The following SCAPER variants were observed in gnomAD, a reference collection of about 807,000 sequenced individuals.
SCAPER encodes S-phase cyclin A associated protein in the ER.
SCAPER carries 98 observed loss-of-function variants against 182.2 expected under a neutral mutation model. The observed-to-expected ratio is 0.54, with a 90% CI of 0.46 to 0.64. The LOEUF (loss-of-function observed/expected upper bound fraction) is 0.64, where lower values mean the gene tolerates loss of function less well. Ranked by LOEUF, SCAPER falls within the 30% of genes least tolerant of loss-of-function variation. The pLI is 0.00. For synonymous variants in SCAPER, 605 were observed against 564.6 expected (o/e 1.07, Z -1.01); for missense variants, 1,432 against 1,690.0 (o/e 0.85, Z 2.68).
At position 76,495,989 on chromosome 15, in the gene SCAPER, GAGAGAC is replaced by G. The variant is rs1266009217; in HGVS notation, c.2954+8864_2954+8869del. Among the ~76,000 whole-genome samples the G allele has an allele frequency of 7.8e-3, 827 of 105,566 alleles. 14 individuals are homozygous for G. Among genetic ancestry groups the G allele is most frequent in the African/African-American group, 0.025 (671 of 27,286 alleles). 69.3% of individuals were successfully genotyped at this position (105,566 alleles called of 152,430 possible). A position where few individuals can be genotyped will look rare whatever the true frequency, so the allele number is the denominator to read the frequency against. On this transcript the variant is annotated intron_variant, in intron 24 of 31. Transcript: ENST00000563290. ...GGAGAAAGAGAAAGAAAGCAAAAGA[GAGAGAC>G]ACACACACACACACACACACACACA... is the stretch of plus-strand genomic sequence containing the variant.
At chr15:76,537,261 G>T (rs157794) in intron 23 of SCAPER, among the ~76,000 whole-genome samples, 146,183 of 149,704 alleles carry the variant, frequency 0.98, 71,468 homozygotes, top group South Asian at 1. Context: ...CATCGCCAAG[G>T]CAATCCTAAG....
intron 22 of SCAPER, among the ~76,000 whole-genome samples, chr15:76,577,232 G>A (rs370813129): frequency 5.9e-5 from 9 of 152,044 alleles, no homozygotes; most frequent in African/African-American, 2.2e-4. Context: ...GATTGCTTGG[G>A]CCCAGAAGTT....
intron 26 of SCAPER, among the ~76,000 whole-genome samples, chr15:76,428,661 A>T (rs895848448): frequency 2.6e-5 from 4 of 151,832 alleles, no homozygotes; most frequent in Non-Finnish European, 5.9e-5. Context: ...GAGAGGAGGA[A>T]GAGAGGTTGG....
At chr15:76,674,746 T>C (rs561168403) in intron 20 of SCAPER, among the ~76,000 whole-genome samples, 6 of 152,316 alleles carry the variant, frequency 3.9e-5, no homozygotes, top group Admixed American at 1.3e-4. Context: ...TCTATGTTCT[T>C]AAAATCACTG....
intron 23 of SCAPER, among the ~76,000 whole-genome samples, chr15:76,511,225 A>G (rs932915321): frequency 6.6e-6 from 1 of 152,226 alleles, no homozygotes; most frequent in African/African-American, 2.4e-5. Context: ...GTAACCAAAT[A>G]TCACCTGTTC....
chr15:76,465,968 G>A (rs1007675748), intron 25 of SCAPER, among the ~76,000 whole-genome samples: 28 of 152,146 alleles, frequency 1.8e-4, no homozygotes, highest in African/African-American at 5.8e-4. Context: ...CCTAGTACAC[G>A]ACAAGTCACT....
At chr15:76,545,704 G>A (rs2045220136) in intron 23 of SCAPER, among the ~76,000 whole-genome samples, 1 of 152,118 alleles carries the variant, frequency 6.6e-6, no homozygotes, top group Admixed American at 6.6e-5. Flanking sequence ...ACTGTGAAGG[G>A]AAGGAGATGC....
chr15:76,839,471 T>A (rs1392733823), intron 5 of SCAPER, among the ~76,000 whole-genome samples: 1 of 152,250 alleles, frequency 6.6e-6, no homozygotes, highest in Non-Finnish European at 1.5e-5. Flanking sequence ...CTAGTTAGTA[T>A]ATACCCAGCA....
chr15:76,677,836 T>C (rs1397500781), intron 20 of SCAPER, among the ~76,000 whole-genome samples: 4 of 151,472 alleles, frequency 2.6e-5, no homozygotes, highest in East Asian at 1.9e-4. Context: ...CTCCTAAGGG[T>C]TCCCATATTT....
At chr15:76,538,650 G>A (rs887602348) in intron 23 of SCAPER, among the ~76,000 whole-genome samples, 5 of 151,926 alleles carry the variant, frequency 3.3e-5, no homozygotes, top group South Asian at 4.2e-4. Flanking sequence ...CACCAGCATG[G>A]CACATGTATA....
At chr15:76,539,383 G>C in intron 23 of SCAPER, among the ~76,000 whole-genome samples, 1 of 152,008 alleles carries the variant, frequency 6.6e-6, no homozygotes, top group East Asian at 1.9e-4. Flanking sequence ...TATTGGGGAA[G>C]AAATTTACAC....
intron 7 of SCAPER, among the ~76,000 whole-genome samples, chr15:76,797,893 T>C (rs2065443613): frequency 6.7e-6 from 1 of 149,114 alleles, no homozygotes; most frequent in Non-Finnish European, 1.5e-5. Flanking sequence ...TCTCCAAAGA[T>C]GTCACATTTT....
intron 17 of SCAPER, among the ~76,000 whole-genome samples, chr15:76,720,430 T>G (rs551564208): frequency 6.6e-6 from 1 of 152,350 alleles, no homozygotes; most frequent in South Asian, 2.1e-4. Context: ...TTATAATCCT[T>G]TGGGTATATA....
At chr15:76,829,866 T>G (rs975568968) in intron 5 of SCAPER, among the ~76,000 whole-genome samples, 2 of 152,186 alleles carry the variant, frequency 1.3e-5, no homozygotes, top group African/African-American at 2.4e-5. Flanking sequence ...TACAGTGTTG[T>G]TTCTATCCTC....
chr15:76,654,562 AT>A (rs2055459134), intron 21 of SCAPER, among the ~76,000 whole-genome samples: 1 of 152,220 alleles, frequency 6.6e-6, no homozygotes, highest in Non-Finnish European at 1.5e-5. Context: ...CAGTCTGAAG[AT>A]TTCTCAAAGA....
intron 8 of SCAPER, chr15:76,793,457 G>T: frequency 1.9e-6 from 1 of 532,828 alleles, no homozygotes; most frequent in Non-Finnish European, 3.4e-6. Context: ...CCTTCAGGGA[G>T]GGAGAAAGGA....
At chr15:76,358,077 CT>C in intron 29 of SCAPER, among the ~76,000 whole-genome samples, 1 of 152,108 alleles carries the variant, frequency 6.6e-6, no homozygotes. Flanking sequence ...CTTGTACCCC[CT>C]AGTTTATTTT....
At position 76,743,710 on chromosome 15, in the gene SCAPER, C is replaced by T. The variant is rs572265792; in HGVS notation, c.1866+10098G>A. On this transcript the variant is annotated intron_variant, in intron 15 of 31. Coordinates refer to ENST00000563290, the MANE Select transcript of SCAPER (RefSeq NM_020843.4). ...TTAGAAGAATCAGTATCATTAAAAT[C>T]GCCATAAGCAATTTACAGATTTGAT... Among the ~76,000 whole-genome samples the T allele has an allele frequency of 9.2e-5, 14 of 151,892 alleles. No individual in the cohort carries two copies. The South Asian group carries it at 2.3e-3, about 25-fold the overall frequency.
intron 29 of SCAPER, among the ~76,000 whole-genome samples, chr15:76,357,404 T>C (rs2041062982): frequency 6.6e-6 from 1 of 151,952 alleles, no homozygotes; most frequent in Admixed American, 6.6e-5. Context: ...AAAACCACAA[T>C]GAGATACCAT....
Sources: gnomAD v4.1 joint callset for allele counts (sites outside exome capture counted in the v4.1 genomes callset) on GRCh38, gnomAD v4.1.1 for gene constraint, MANE v1.5 for transcripts, NCBI Gene and HGNC (gene_info 2026-07-23, HGNC 2026-07-21) for gene names.